Variants in FNDC3A observed in about 807,000 individuals in gnomAD.
The protein encoded by FNDC3A is fibronectin type III domain containing 3A.
In FNDC3A, 32 loss-of-function variants were observed where a neutral mutation model predicts 148.9. The observed-to-expected ratio is 0.21, with a 90% CI of 0.16 to 0.29. FNDC3A has a LOEUF of 0.29. Ranked by LOEUF, FNDC3A falls within the 10% of genes least tolerant of loss-of-function variation. FNDC3A has a pLI of 1.00. For missense variants in FNDC3A, 1,191 were observed against 1,452.8 expected (o/e 0.82, Z 2.93); for synonymous variants, 472 against 473.6 (o/e 1.00, Z 0.04).
At chr13:49,180,323 T>G (rs1885240508) in intron 14 of FNDC3A, among the ~76,000 whole-genome samples, 1 of 152,208 alleles carries the variant, frequency 6.6e-6, no homozygotes, top group Non-Finnish European at 1.5e-5. Flanking sequence ...GCAAAGAAAT[T>G]TTATTACTTC....
chr13:49,094,706 AAAAAG>A lies in FNDC3A; in HGVS notation c.175+19348_175+19352del, dbSNP rs1879412695. 2.0e-5 allele frequency among the ~76,000 whole-genome samples: 3 copies of A among 152,096 alleles called. No homozygotes were observed. The South Asian group carries it at 6.2e-4, about 31-fold the overall frequency. On this transcript the variant is annotated intron_variant, in intron 3 of 25. Transcript: ENST00000492622. ...GAGAGAAGTGTTGTGATTGAAAAAG[AAAAAG>A]AAAAGGCACTATGGAAGCATATAGC...
At chr13:49,174,003 A>G (rs1047886146) in intron 11 of FNDC3A, among the ~76,000 whole-genome samples, 1 of 152,140 alleles carries the variant, frequency 6.6e-6, no homozygotes, top group African/African-American at 2.4e-5. Context: ...TTTATGAGCT[A>G]TCTAGTTGGA....
At chr13:49,189,266 C>A (rs1254062234) in intron 17 of FNDC3A, among the ~76,000 whole-genome samples, 1 of 151,760 alleles carries the variant, frequency 6.6e-6, no homozygotes, top group Non-Finnish European at 1.5e-5. Flanking sequence ...GTTCTGCAAC[C>A]TCTGCCTCCT....
At chr13:49,202,016 A>T in intron 24 of FNDC3A, 50 bp downstream of exon 24, 1 of 1,163,542 alleles carries the variant, frequency 8.6e-7, no homozygotes, top group Non-Finnish European at 1.2e-6. Context: ...TTACTTTTTA[A>T]TGTATTTTCA....
intron 14 of FNDC3A, among the ~76,000 whole-genome samples, chr13:49,184,781 C>G (rs1027227594): frequency 6.6e-6 from 1 of 152,092 alleles, no homozygotes; most frequent in Non-Finnish European, 1.5e-5. Flanking sequence ...TTCCCACGAC[C>G]TCCCCCTGTG....
intron 1 of FNDC3A, among the ~76,000 whole-genome samples, chr13:48,994,289 A>G (rs1270001045): frequency 6.6e-6 from 1 of 152,248 alleles, no homozygotes; most frequent in Non-Finnish European, 1.5e-5. Flanking sequence ...GAGGTTTTTA[A>G]AGACATGGCA....
chr13:48,993,417 G>A (rs1268667086), intron 1 of FNDC3A, among the ~76,000 whole-genome samples: 2 of 152,098 alleles, frequency 1.3e-5, no homozygotes, highest in African/African-American at 2.4e-5. Context: ...TACATACCAG[G>A]ATTTGAAAGC....
intron 8 of FNDC3A, among the ~76,000 whole-genome samples, chr13:49,158,678 C>A (rs1001250891): frequency 1.3e-5 from 2 of 152,202 alleles, no homozygotes; most frequent in Non-Finnish European, 2.9e-5. Context: ...GTGTTTTAGT[C>A]ATGAAGTCCT....
At chr13:48,997,777 T>A (rs1210324797) in intron 1 of FNDC3A, among the ~76,000 whole-genome samples, 1 of 152,140 alleles carries the variant, frequency 6.6e-6, no homozygotes, top group African/African-American at 2.4e-5. Flanking sequence ...GTAGCCTAAG[T>A]TCAGTAAGAC....
chr13:49,135,139 G>A (rs1158753663), intron 5 of FNDC3A, among the ~76,000 whole-genome samples: 1 of 152,058 alleles, frequency 6.6e-6, no homozygotes, highest in African/African-American at 2.4e-5. Context: ...ACAGGCGTGA[G>A]CCACTGCGCC....
chr13:49,013,441 T>C (rs541339239), intron 2 of FNDC3A, among the ~76,000 whole-genome samples: 50 of 152,148 alleles, frequency 3.3e-4, no homozygotes, highest in African/African-American at 1.0e-3. Context: ...GTTAGTTACA[T>C]ATGTATACAT....
chr13:49,059,995 A>G (rs1457026150), intron 2 of FNDC3A, among the ~76,000 whole-genome samples: 2 of 152,250 alleles, frequency 1.3e-5, no homozygotes, highest in Non-Finnish European at 1.5e-5. Context: ...AGATATAATT[A>G]AAAAATGGAA....
At chr13:49,042,493 C>A (rs148609795) in intron 2 of FNDC3A, among the ~76,000 whole-genome samples, 4 of 152,116 alleles carry the variant, frequency 2.6e-5, no homozygotes, top group African/African-American at 9.6e-5. Flanking sequence ...TACTAATTTT[C>A]AGCTGGGTAC....
chr13:49,044,084 A>G (rs959978582), intron 2 of FNDC3A: 4 of 180,538 alleles, frequency 2.2e-5, no homozygotes, highest in African/African-American at 9.5e-5. Context: ...TCCATATCTC[A>G]TCATTCTCAT....
At chr13:49,071,553 T>G (rs1017748370) in intron 2 of FNDC3A, among the ~76,000 whole-genome samples, 5 of 152,280 alleles carry the variant, frequency 3.3e-5, no homozygotes, top group Admixed American at 3.3e-4. Context: ...TTTTTTGACA[T>G]TTTTGTAATA....
intron 1 of FNDC3A, among the ~76,000 whole-genome samples, chr13:48,986,020 G>T (rs532832104): frequency 6.6e-6 from 1 of 152,240 alleles, no homozygotes; most frequent in Non-Finnish European, 1.5e-5. Flanking sequence ...AAGCTTCCCA[G>T]TTGGTGTCTG....
In FNDC3A at chr13:49,207,123, C is replaced by A. The variant is rs1886685454; in HGVS notation, c.3325C>A (p.Gln1109Lys). The stretch of plus-strand genomic sequence containing the variant: ...CTCTTCCTTCCGGTATTCCAGCCTT[C>A]AGCTGAACTGTGAATATCGCTTCCG... ...PDSSFRYSSL[Q>K]LNCEYRFRVC... Residue 1109 changes from glutamine (Q) to lysine (K), a missense_variant, in exon 26 of 26, where the codon CAG becomes AAG. By Grantham distance (53) the Gln-to-Lys change is moderately conservative. Around this residue, in one of 3 missense-constraint regions of FNDC3A, gnomAD observed 751 missense variants for 944.0 expected, o/e 0.80. Transcript: ENST00000492622. 7 of 1,614,152 alleles carry A rather than the reference C, an allele frequency of 4.3e-6. No individual in the cohort carries two copies. Among genetic ancestry groups the A allele is most frequent in the Non-Finnish European group, 5.9e-6 (7 of 1,179,978 alleles).
chr13:49,100,460 C>G (rs1381223858), intron 3 of FNDC3A, among the ~76,000 whole-genome samples: 1 of 152,006 alleles, frequency 6.6e-6, no homozygotes, highest in Non-Finnish European at 1.5e-5. Context: ...ATTCCCAAAC[C>G]CTTTTCCATA....
In FNDC3A at chr13:49,068,241, A is replaced by G. The variant is rs960751718; in HGVS notation, c.100-7048A>G. ...TAGCCAGGCATGGTGGTGTTCACCTATAGTCCCAGCTACCCTAGAGGCAAT... is the reference window on the plus strand; with the variant it reads ...TAGCCAGGCATGGTGGTGTTCACCTGTAGTCCCAGCTACCCTAGAGGCAAT... On this transcript the variant is annotated intron_variant, in intron 2 of 25. Coordinates refer to ENST00000492622, the MANE Select transcript of FNDC3A (RefSeq NM_001079673.2). Among the ~76,000 whole-genome samples the G allele has an allele frequency of 4.7e-4, 72 of 151,834 alleles. 1 individual carries two copies. Among genetic ancestry groups the G allele is most frequent in the Non-Finnish European group, 6.3e-4 (43 of 67,960 alleles).
Sources: gnomAD v4.1 joint callset for allele counts (sites outside exome capture counted in the v4.1 genomes callset) on GRCh38, gnomAD v4.1.1 for gene constraint, gnomAD v4.1.1 regional missense constraint, MANE v1.5 for transcripts, NCBI Gene and HGNC (gene_info 2026-07-23, HGNC 2026-07-21) for gene names.